The following ZNF442 variants were observed in gnomAD, a reference collection of about 807,000 sequenced individuals.
The protein encoded by ZNF442 is zinc finger protein 442.
In ZNF442, 45 loss-of-function variants were observed where a neutral mutation model predicts 57.0. The observed-to-expected ratio is 0.79, with a 90% CI of 0.62 to 1.01. The LOEUF (loss-of-function observed/expected upper bound fraction) is 1.01. ZNF442 is among the 50% of genes least tolerant of loss of function. The probability of loss-of-function intolerance (pLI) is 0.00; values close to 1 mark genes in which losing one functional copy is unlikely to be tolerated. For synonymous variants in ZNF442, 213 were observed against 241.8 expected, an observed-to-expected ratio of 0.88 and a Z score of 1.10; for missense variants, 690 against 756.5, an observed-to-expected ratio of 0.91 and a Z score of 1.03.
rs1170239023 is a variant in ZNF442 at position 12,350,873 on chromosome 19, C to T, written c.712G>A (p.Glu238Lys). 6.2e-7 allele frequency: 1 copy of T among 1,613,912 alleles called. No individual in the cohort carries two copies. The highest frequency in any genetic ancestry group is 8.5e-7 in the Non-Finnish European group (1 of 1,179,964). The change falls in exon 6 of 6, where the codon GAA (glutamate) becomes AAA (lysine). Residue 238 changes from glutamate (E) to lysine (K), a missense_variant. Glu to Lys is a moderately conservative substitution (Grantham distance 56, BLOSUM62 1). Coordinates refer to ENST00000242804, the MANE Select transcript of ZNF442 (RefSeq NM_030824.3). ...ERTHTGEKPY[E>K]CKQCCKAFPI... Reference sequence around the variant, plus strand: ...AAGGCTTTACAACACTGCTTACATTCATACGGTTTCTCTCCAGTGTGAGTT... The same window carrying T: ...AAGGCTTTACAACACTGCTTACATTTATACGGTTTCTCTCCAGTGTGAGTT...
intron 3 of ZNF442, among the ~76,000 whole-genome samples, chr19:12,362,993 AC>A (rs764749801): frequency 0.039 from 5,818 of 149,854 alleles, 406 homozygotes; most frequent in African/African-American, 0.14. Context: ...AATACAAAAA[AC>A]AAAACAAAAA....
intron 3 of ZNF442, among the ~76,000 whole-genome samples, chr19:12,357,593 T>C (rs372433736): frequency 1.3e-5 from 2 of 151,624 alleles, no homozygotes; most frequent in African/African-American, 2.4e-5. Context: ...CTTCAGGTGA[T>C]CTACCCACCT....
In ZNF442 at chr19:12,350,893, T is replaced by C. The variant is rs1370504813; in HGVS notation, c.692A>G (p.His231Arg). The C allele has an allele frequency of 5.6e-6, 9 of 1,614,190 alleles. No individual in the cohort carries two copies. Among genetic ancestry groups the C allele is most frequent in the Non-Finnish European group, 7.6e-6 (9 of 1,180,022 alleles). Residue 231 changes from histidine to arginine, a missense_variant, in exon 6 of 6, where the codon CAC (histidine) becomes CGC (arginine). His to Arg is a conservative substitution (Grantham distance 29). Coordinates refer to ENST00000242804, the MANE Select transcript of ZNF442 (RefSeq NM_030824.3). Reference protein sequence around the residue: ...PSLFRMHERTHTGEKPYECKQ... With the variant: ...PSLFRMHERTRTGEKPYECKQ... ...ACATTCATACGGTTTCTCTCCAGTG[T>C]GAGTTCTTTCATGCATACGAAATAA...
the ZNF442 span, among the ~76,000 whole-genome samples, chr19:12,372,812 C>T: frequency 6.6e-6 from 1 of 152,184 alleles, no homozygotes; most frequent in Non-Finnish European, 1.5e-5. Flanking sequence ...CTCACTCTGT[C>T]GCCCAGGATA....
At position 12,349,837 on chromosome 19, in the gene ZNF442, C is replaced by T. The variant is rs765612522; in HGVS notation, c.1748G>A (p.Arg583His). 9.9e-6 allele frequency: 16 copies of T among 1,608,234 alleles called. No homozygotes were observed. Among genetic ancestry groups the T allele is most frequent in the African/African-American group, 5.4e-5 (4 of 73,568 alleles). ...TTCATGTCCTCGAAGGAAACGAGAA[C>T]GAGTGAAGGCTTTACCACATTGTTG... is the stretch of plus-strand genomic sequence containing the variant. ...ECQQCGKAFT[R>H]SRFLRGHEKT... Residue 583 changes from arginine to histidine, a missense_variant, in exon 6 of 6, where the codon CGT becomes CAT. Transcript: ENST00000242804.
Position 12,350,992 on chromosome 19 carries a change from CT to C in ZNF442, c.592del (p.Arg198AspfsTer3). The C allele has an allele frequency of 6.2e-7, 1 of 1,614,024 alleles. No individual in the cohort carries two copies. The highest frequency in any genetic ancestry group is 8.5e-7 in the Non-Finnish European group (1 of 1,179,910). On this transcript the variant is annotated frameshift_variant, in exon 6 of 6. Transcript: ENST00000242804. LOFTEE classifies it high-confidence loss of function. ...ACCTCCACGTTGTACTATTATGTGT[CT>C]TCGAAGGTTTCCCGAAGAACTGAAG... ...KTFSSSGNLR[R>X]HIIVQRGGGP...
chr19:12,352,743 A>G (rs935051181), intron 4 of ZNF442, among the ~76,000 whole-genome samples: 1 of 152,204 alleles, frequency 6.6e-6, no homozygotes, highest in Non-Finnish European at 1.5e-5. Context: ...TATGTGACAG[A>G]CAACATATGT....
intron 3 of ZNF442, among the ~76,000 whole-genome samples, chr19:12,354,807 AC>A (rs1335719751): frequency 6.6e-6 from 1 of 152,218 alleles, no homozygotes; most frequent in East Asian, 1.9e-4. Flanking sequence ...TTTCTTATTA[AC>A]ATTATTTTCT....
chr19:12,359,440 A>C (rs1039041355), intron 3 of ZNF442, among the ~76,000 whole-genome samples: 6 of 152,142 alleles, frequency 3.9e-5, no homozygotes, highest in Non-Finnish European at 8.8e-5. Flanking sequence ...CCCTTCTCTA[A>C]ACTATAACTC....
At chr19:12,361,337 T>A (rs1448874594) in intron 3 of ZNF442, among the ~76,000 whole-genome samples, 5 of 152,244 alleles carry the variant, frequency 3.3e-5, no homozygotes, top group African/African-American at 1.2e-4. Context: ...TGTTGGAAAG[T>A]CCTGTGCCAC....
At chr19:12,373,040 G>A in the ZNF442 span, among the ~76,000 whole-genome samples, 5 of 152,110 alleles carry the variant, frequency 3.3e-5, no homozygotes, top group African/African-American at 1.2e-4. Flanking sequence ...CCAAAGTGCT[G>A]GGATTACAGG....
At chr19:12,371,247 AG>A in the ZNF442 span, among the ~76,000 whole-genome samples, 1 of 152,176 alleles carries the variant, frequency 6.6e-6, no homozygotes, top group South Asian at 2.1e-4. Context: ...AAGAAAAAAA[AG>A]ATGTCTGATT....
chr19:12,371,502 C>T, the ZNF442 span, among the ~76,000 whole-genome samples: 2 of 152,134 alleles, frequency 1.3e-5, no homozygotes, highest in African/African-American at 2.4e-5. Flanking sequence ...TCAGATTTTG[C>T]ATATTTTTAC....
chr19:12,367,965 G>C (rs1969551869), upstream of ZNF442, among the ~76,000 whole-genome samples: 1 of 152,154 alleles, frequency 6.6e-6, no homozygotes, highest in South Asian at 2.1e-4. Flanking sequence ...ACCACACCTG[G>C]AAGGGTCTCA....
At chr19:12,364,212 C>T (rs7257271) in intron 2 of ZNF442, among the ~76,000 whole-genome samples, 5,783 of 151,934 alleles carry the variant, frequency 0.038, 369 homozygotes, top group African/African-American at 0.13. Context: ...TCGAGATGAG[C>T]TTGGCCAACA....
chr19:12,367,237 G>T (rs1969543169), upstream of ZNF442, among the ~76,000 whole-genome samples: 5 of 152,160 alleles, frequency 3.3e-5, no homozygotes, highest in South Asian at 1.0e-3. Flanking sequence ...CTCCAGGGGT[G>T]ACATCACATA....
upstream of ZNF442, among the ~76,000 whole-genome samples, chr19:12,368,194 TACAA>T (rs1400148333): frequency 6.6e-6 from 1 of 152,206 alleles, no homozygotes. Context: ...ACAAATGTTT[TACAA>T]ACAATTTGTA....
rs373126475 is a variant in ZNF442 at position 12,356,220 on chromosome 19, CA to C, written c.79-3107del. Among the ~76,000 whole-genome samples, 7 of 151,182 alleles carry C rather than the reference CA, an allele frequency of 4.6e-5. No individual in the cohort carries two copies. The South Asian group carries it at 1.5e-3, about 32-fold the overall frequency. On this transcript the variant is annotated intron_variant, in intron 3 of 5. Coordinates refer to ENST00000242804, the MANE Select transcript of ZNF442 (RefSeq NM_030824.3). ...GGGGTCACGGAGCAAGATTCTATCT[CA>C]AAAAAAAGTCCATCAAACTGTAGAA...
intron 3 of ZNF442, among the ~76,000 whole-genome samples, chr19:12,362,591 G>T (rs1281328959): frequency 6.7e-6 from 1 of 148,506 alleles, no homozygotes; most frequent in Non-Finnish European, 1.5e-5. Context: ...GGAGGGAGGT[G>T]GGGGGCAGCC....
Sources: gnomAD v4.1 joint callset for allele counts (sites outside exome capture counted in the v4.1 genomes callset) on GRCh38, gnomAD v4.1.1 for gene constraint, MANE v1.5 for transcripts, NCBI Gene and HGNC (gene_info 2026-07-23, HGNC 2026-07-21) for gene names.